Variants in ATAD2B observed in about 807,000 individuals in gnomAD.
The protein encoded by ATAD2B is ATPase family AAA domain-containing protein 2B.
In ATAD2B, 40 loss-of-function variants were observed where a neutral mutation model predicts 167.6. That is an observed-to-expected ratio of 0.24 (90% CI 0.19 to 0.31). The LOEUF (loss-of-function observed/expected upper bound fraction) is 0.31, where lower values mean the gene tolerates loss of function less well. ATAD2B is among the 10% of genes least tolerant of loss of function. The pLI, the probability that ATAD2B is intolerant of heterozygous loss-of-function variation, is 1.00. For missense variants in ATAD2B, 1,242 were observed against 1,757.2 expected (o/e 0.71, Z 5.24); for synonymous variants, 579 against 596.5 (o/e 0.97, Z 0.43).
chr2:23,809,245 T>C (rs1465729514), intron 18 of ATAD2B: 1 of 152,150 alleles, frequency 6.6e-6, no homozygotes, highest in Non-Finnish European at 1.5e-5. Flanking sequence ...ATGAGTTAAA[T>C]GTGTCAAACT....
intron 22 of ATAD2B, among the ~76,000 whole-genome samples, chr2:23,780,793 G>A (rs1360599292): frequency 2.0e-5 from 3 of 152,048 alleles, no homozygotes; most frequent in East Asian, 1.9e-4. Context: ...CCAGCTACTC[G>A]GGAGGGTGAG....
intron 22 of ATAD2B, among the ~76,000 whole-genome samples, chr2:23,772,706 GC>G (rs939904671): frequency 2.4e-4 from 37 of 152,044 alleles, no homozygotes; most frequent in African/African-American, 8.2e-4. Flanking sequence ...AAAAAAATCT[GC>G]ATTTGAGAGG....
chr2:23,884,850 T>C lies in ATAD2B; in HGVS notation c.699A>G (p.Arg233=), dbSNP rs557755452. 3.7e-5 allele frequency: 58 copies of C among 1,582,086 alleles called. No homozygotes were observed. In the East Asian group the frequency reaches 1.3e-3, roughly 35 times the overall value. The part of the protein sequence containing the change: ...TEFENMDMYS[R]VKRRRKSLRR... Reference sequence around the variant, plus strand: ...TTAGTGACTTTCTTCGCCTTTTCACTCTTGAATACATATCCATGTTTTCCT... The same window carrying C: ...TTAGTGACTTTCTTCGCCTTTTCACCCTTGAATACATATCCATGTTTTCCT... The change falls in exon 6 of 28, where the codon AGA becomes AGG. Residue 233 remains arginine (R), a synonymous_variant. Coordinates refer to ENST00000238789, the MANE Select transcript of ATAD2B (RefSeq NM_017552.4).
At chr2:23,697,973 A>AATC in the ATAD2B span, 1 of 152,234 alleles carries the variant, frequency 6.6e-6, no homozygotes, top group Non-Finnish European at 1.5e-5. Context: ...GGCTATTTTT[A>AATC]ATCTCCTAAG....
At chr2:23,854,618 C>T (rs1422543640) in intron 13 of ATAD2B, among the ~76,000 whole-genome samples, 2 of 148,630 alleles carry the variant, frequency 1.3e-5, no homozygotes. Context: ...GCGGCGGTTG[C>T]AGTGAGCCAA....
intron 8 of ATAD2B, 101 bp from the exon 9 acceptor site, chr2:23,869,862 C>A: frequency 9.7e-6 from 7 of 719,246 alleles, no homozygotes; most frequent in African/African-American, 1.8e-5. Context: ...ATTCATTCAG[C>A]AAATATTTAT....
At chr2:23,702,293 C>T in the ATAD2B span, among the ~76,000 whole-genome samples, 2 of 152,158 alleles carry the variant, frequency 1.3e-5, no homozygotes, top group Non-Finnish European at 2.9e-5. Flanking sequence ...AGCCAGCTTA[C>T]CTTAAACATG....
chr2:23,896,083 G>A lies in ATAD2B; in HGVS notation c.217-113C>T, dbSNP rs185034918. The A allele has an allele frequency of 4.8e-4, 360 of 748,514 alleles. 1 individual carries two copies. Among genetic ancestry groups the A allele is most frequent in the Non-Finnish European group, 5.2e-4 (261 of 499,084 alleles). The allele number at this position is 748,514 out of a possible 1,614,324, so 46.4% of individuals were successfully genotyped here. A position where few individuals can be genotyped will look rare whatever the true frequency, so the allele number is the denominator to read the frequency against. Reference sequence around the variant, plus strand: ...TGTAATCCCAGCACTTTGGGTGGCCGAGGTGGGCGATCACTTGAGGTCAGG... The same window carrying A: ...TGTAATCCCAGCACTTTGGGTGGCCAAGGTGGGCGATCACTTGAGGTCAGG... On this transcript the variant is annotated intron_variant, in intron 1 of 27. Transcript: ENST00000238789.
intron 1 of ATAD2B, chr2:23,900,574 T>C (rs893815809): frequency 1.3e-5 from 2 of 152,248 alleles, no homozygotes; most frequent in African/African-American, 4.8e-5. Context: ...TCAGATCCAC[T>C]GAATCAGAAA....
chr2:23,722,642 T>G, the ATAD2B span, among the ~76,000 whole-genome samples: 1 of 152,076 alleles, frequency 6.6e-6, no homozygotes, highest in Non-Finnish European at 1.5e-5. Flanking sequence ...AGGGAAAAGT[T>G]GAGTAAAATG....
chr2:23,754,295 A>T lies in ATAD2B; in HGVS notation c.4219T>A (p.Leu1407Met), dbSNP rs747086371. ...DRERLKKLLDLLVDKSNNLAV... is the reference protein window; with the variant it reads ...DRERLKKLLDMLVDKSNNLAV... ...AGATTGTTGCTTTTATCCACCAACA[A>T]ATCAAGCAATTTCTAAGAAAAAACA... is the stretch of plus-strand genomic sequence containing the variant. The change falls in exon 27 of 28, where the codon TTG (leucine) becomes ATG (methionine). Residue 1407 changes from leucine (L) to methionine (M), a missense_variant. Physicochemically the swap from Leu to Met is conservative, Grantham distance 15. Coordinates refer to ENST00000238789, the MANE Select transcript of ATAD2B (RefSeq NM_017552.4). The T allele has an allele frequency of 1.9e-6, 3 of 1,551,136 alleles. No individual in the cohort carries two copies. Among genetic ancestry groups the T allele is most frequent in the Non-Finnish European group, 2.6e-6 (3 of 1,150,930 alleles).
At chr2:23,781,280 T>C (rs1679996069) in intron 22 of ATAD2B, among the ~76,000 whole-genome samples, 2 of 151,888 alleles carry the variant, frequency 1.3e-5, no homozygotes, top group South Asian at 4.2e-4. Flanking sequence ...TAAACCACTC[T>C]GTCTAATCAT....
chr2:23,684,915 C>G, the ATAD2B span, among the ~76,000 whole-genome samples: 1 of 152,224 alleles, frequency 6.6e-6, no homozygotes, highest in Non-Finnish European at 1.5e-5. This position sits in a 1 kb window ranked among gnomAD's most constrained non-coding sequence, Gnocchi z 4.4. Flanking sequence ...ACTGCCCCCA[C>G]CGGGCCAGAG....
Position 23,788,551 on chromosome 2 carries a change from T to G in ATAD2B, c.2737A>C (p.Asn913His). The G allele has an allele frequency of 6.2e-7, 1 of 1,613,328 alleles. No individual in the cohort carries two copies. Among genetic ancestry groups the G allele is most frequent in the Non-Finnish European group, 8.5e-7 (1 of 1,179,372 alleles). ...RRKFFQELIL[N>H]QASMAPPRRK... The stretch of plus-strand genomic sequence containing the variant: ...CGTGGTGGAGCCATTGATGCCTGAT[T>G]GAGAATCAATTCTTGAAAAAATTTT... The change falls in exon 20 of 28, where the codon AAT becomes CAT. Residue 913 changes from asparagine (N) to histidine (H), a missense_variant. Around this residue, in one of 9 missense-constraint regions of ATAD2B, gnomAD observed 204 missense variants for 324.0 expected, o/e 0.63. Coordinates refer to ENST00000238789, the MANE Select transcript of ATAD2B (RefSeq NM_017552.4).
At chr2:23,682,667 C>G in the ATAD2B span, among the ~76,000 whole-genome samples, 1 of 151,932 alleles carries the variant, frequency 6.6e-6, no homozygotes, top group South Asian at 2.1e-4. This position sits in a 1 kb window ranked among gnomAD's most constrained non-coding sequence, Gnocchi z 4.1. Context: ...CCCTCGTGCT[C>G]CTGCACCCTC....
At chr2:23,768,291 T>C (rs1677758173) in intron 22 of ATAD2B, among the ~76,000 whole-genome samples, 2 of 152,084 alleles carry the variant, frequency 1.3e-5, no homozygotes, top group Admixed American at 1.3e-4. Context: ...CAAAGCACTT[T>C]GGGAGGGAAA....
intron 15 of ATAD2B, among the ~76,000 whole-genome samples, chr2:23,825,312 CT>C (rs1008016608): frequency 1.3e-5 from 2 of 151,736 alleles, no homozygotes; most frequent in African/African-American, 4.8e-5. Context: ...ATGGTGATTA[CT>C]AAGAAAAACC....
the ATAD2B span, chr2:23,691,828 A>G: frequency 6.4e-7 from 1 of 1,551,394 alleles, no homozygotes; most frequent in Non-Finnish European, 8.7e-7. Flanking sequence ...GGAGGCGGCC[A>G]GCAAGTTCCA....
At chr2:23,825,880 T>G (rs1001373438) in intron 15 of ATAD2B, among the ~76,000 whole-genome samples, 9 of 152,214 alleles carry the variant, frequency 5.9e-5, no homozygotes, top group African/African-American at 1.9e-4. Flanking sequence ...ACATGTTAAT[T>G]ACATATATAA....
Sources: gnomAD v4.1 joint callset for allele counts (sites outside exome capture counted in the v4.1 genomes callset) on GRCh38, gnomAD v4.1.1 for gene constraint, gnomAD v4.1.1 regional missense constraint, Gnocchi (gnomAD v3.1) non-coding constraint, MANE v1.5 for transcripts, NCBI Gene and HGNC (gene_info 2026-07-23, HGNC 2026-07-21) for gene names.